Variants in OTULIN observed in about 807,000 individuals in gnomAD.
OTULIN encodes the protein OTU deubiquitinase with linear linkage specificity, also known as ubiquitin thioesterase otulin.
In OTULIN, 15 loss-of-function variants were observed where a neutral mutation model predicts 39.6. That is an observed-to-expected ratio of 0.38 (90% CI 0.25 to 0.58). The LOEUF (loss-of-function observed/expected upper bound fraction) is 0.58. Ranked by LOEUF, OTULIN falls within the 20% of genes least tolerant of loss-of-function variation. The pLI, the probability that OTULIN is intolerant of heterozygous loss-of-function variation, is 0.66. For synonymous variants in OTULIN, 156 were observed against 170.3 expected, an observed-to-expected ratio of 0.92 and a Z score of 0.65; for missense variants, 319 against 445.9, an observed-to-expected ratio of 0.72 and a Z score of 2.56.
chr5:14,712,822 CTGCACCCAGGAGGA>C, the OTULIN span: 29 of 1,521,196 alleles, frequency 1.9e-5, no homozygotes, highest in East Asian at 4.8e-5. Flanking sequence ...TCAGGTTCTC[CTGCACCCAGGAGGA>C]TGCACCCGGG....
At chr5:14,683,017 C>T (rs1013932759) in intron 4 of OTULIN, among the ~76,000 whole-genome samples, 4 of 152,200 alleles carry the variant, frequency 2.6e-5, no homozygotes, top group Non-Finnish European at 5.9e-5. Context: ...AGAGATCACA[C>T]GCTCAGAAGG....
chr5:14,682,491 A>G (rs1736276169), intron 4 of OTULIN, among the ~76,000 whole-genome samples: 2 of 152,146 alleles, frequency 1.3e-5, no homozygotes, highest in Admixed American at 6.5e-5. Flanking sequence ...ATATTTTTAA[A>G]TTAAAAAAAA....
At chr5:14,712,947 C>T in the OTULIN span, 1 of 1,613,448 alleles carries the variant, frequency 6.2e-7, no homozygotes, top group Admixed American at 1.7e-5. Context: ...CAGGAGGGAG[C>T]CCACGCCCAG....
the OTULIN span, chr5:14,712,819 C>T: frequency 6.6e-7 from 1 of 1,524,898 alleles, no homozygotes; most frequent in Non-Finnish European, 8.9e-7. Flanking sequence ...TGCTCAGGTT[C>T]TCCTGCACCC....
the OTULIN span, among the ~76,000 whole-genome samples, chr5:14,713,949 C>T: frequency 1.3e-4 from 20 of 152,368 alleles, no homozygotes; most frequent in African/African-American, 4.3e-4. The surrounding 1 kb of genome is among the most constrained non-coding windows in gnomAD (Gnocchi z 4.4). Context: ...GGCAGCCTAG[C>T]TGCTCTTGTC....
At chr5:14,675,888 C>T (rs958836994) in intron 2 of OTULIN, among the ~76,000 whole-genome samples, 14 of 152,204 alleles carry the variant, frequency 9.2e-5, no homozygotes, top group African/African-American at 2.9e-4. Context: ...ACAATGGTTT[C>T]CAGGCCAAAT....
downstream of OTULIN, among the ~76,000 whole-genome samples, chr5:14,701,060 A>G (rs1406692589): frequency 1.3e-5 from 2 of 152,162 alleles, no homozygotes; most frequent in African/African-American, 4.8e-5. Flanking sequence ...CTCCATAGGA[A>G]TTGTCCTGTC....
At chr5:14,711,666 A>T in the OTULIN span, among the ~76,000 whole-genome samples, 1 of 152,120 alleles carries the variant, frequency 6.6e-6, no homozygotes, top group Non-Finnish European at 1.5e-5. Flanking sequence ...TCCTCCCTAA[A>T]GCCTCAAGCT....
the OTULIN span, among the ~76,000 whole-genome samples, chr5:14,712,635 T>C: frequency 3.7e-3 from 569 of 152,332 alleles, no homozygotes; most frequent in Middle Eastern, 0.01. Context: ...CACACCTCTC[T>C]CCCCTTTGGC....
At position 14,696,224 on chromosome 5, in the gene OTULIN, T is replaced by C. The variant is rs970097722; in HGVS notation, c.*3176T>C. On this transcript the variant is annotated 3_prime_UTR_variant, in exon 7 of 7. Transcript: ENST00000284274. The stretch of plus-strand genomic sequence containing the variant: ...AGGCTGTGAAGTGCTGAATCACCTT[T>C]AATGATACAGCACTTCTGCCATCTC... The C allele has an allele frequency of 2.0e-5, 3 of 152,346 alleles. No individual in the cohort carries two copies. Among genetic ancestry groups the C allele is most frequent in the South Asian group, 2.1e-4 (1 of 4,830 alleles). The allele number at this position is 152,346 out of a possible 1,614,324, so 9.4% of individuals were successfully genotyped here. A position where few individuals can be genotyped will look rare whatever the true frequency, so the allele number is the denominator to read the frequency against.
At chr5:14,672,567 G>A (rs1348014090) in intron 1 of OTULIN, among the ~76,000 whole-genome samples, 1 of 152,094 alleles carries the variant, frequency 6.6e-6, no homozygotes, top group Non-Finnish European at 1.5e-5. Context: ...TGTGAGGATG[G>A]GGTATGCGCT....
At chr5:14,712,564 C>T in the OTULIN span, among the ~76,000 whole-genome samples, 2 of 152,370 alleles carry the variant, frequency 1.3e-5, no homozygotes, top group South Asian at 4.1e-4. Flanking sequence ...CGGGTCATTC[C>T]CCAAAGCAAG....
chr5:14,678,027 T>C (rs1371351708), intron 2 of OTULIN, among the ~76,000 whole-genome samples: 2 of 152,204 alleles, frequency 1.3e-5, no homozygotes, highest in African/African-American at 4.8e-5. Context: ...TGTGTTTTAC[T>C]GTATTTTTGT....
At chr5:14,713,815 C>T in the OTULIN span, 1 of 1,151,288 alleles carries the variant, frequency 8.7e-7, no homozygotes, top group Non-Finnish European at 1.3e-6. The surrounding 1 kb of genome is among the most constrained non-coding windows in gnomAD (Gnocchi z 4.4). Context: ...CATCTTCCTG[C>T]CAGGGTTCCC....
At chr5:14,713,008 A>G in the OTULIN span, 2 of 1,590,862 alleles carry the variant, frequency 1.3e-6, no homozygotes, top group East Asian at 2.3e-5. The surrounding 1 kb of genome is among the most constrained non-coding windows in gnomAD (Gnocchi z 4.4). Flanking sequence ...TTTGTCTGTT[A>G]AGGCCAAGTC....
intron 4 of OTULIN, among the ~76,000 whole-genome samples, chr5:14,686,339 T>G (rs994626087): frequency 6.6e-6 from 1 of 152,226 alleles, no homozygotes; most frequent in African/African-American, 2.4e-5. Context: ...CTTGCTCTGT[T>G]GCTCAGGCTG....
At chr5:14,706,857 T>C in the OTULIN span, 2 of 152,128 alleles carry the variant, frequency 1.3e-5, no homozygotes, top group African/African-American at 4.8e-5. Flanking sequence ...TTTGAGTGCT[T>C]TATATGAGAG....
At chr5:14,681,311 G>A (rs747154736) in intron 3 of OTULIN, among the ~76,000 whole-genome samples, 153 bp from the exon 4 acceptor site, 2 of 151,772 alleles carry the variant, frequency 1.3e-5, no homozygotes, top group Non-Finnish European at 2.9e-5. Flanking sequence ...CAGTGAGTAA[G>A]TGTTAAAACA....
At chr5:14,680,384 GAC>G (rs1254019590) in intron 3 of OTULIN, among the ~76,000 whole-genome samples, 1 of 152,278 alleles carries the variant, frequency 6.6e-6, no homozygotes, top group Admixed American at 6.5e-5. Flanking sequence ...CTAGTACCTG[GAC>G]ACACAGGACA....
Sources: gnomAD v4.1 joint callset for allele counts (sites outside exome capture counted in the v4.1 genomes callset) on GRCh38, gnomAD v4.1.1 for gene constraint, Gnocchi (gnomAD v3.1) non-coding constraint, MANE v1.5 for transcripts, NCBI Gene and HGNC (gene_info 2026-07-23, HGNC 2026-07-21) for gene names.